The following SGCZ variants were observed in gnomAD, a reference collection of about 807,000 sequenced individuals.
SGCZ encodes zeta-sarcoglycan.
SGCZ carries 40 observed loss-of-function variants against 41.3 expected under a neutral mutation model. That is an observed-to-expected ratio of 0.97 (90% CI 0.75 to 1.26). SGCZ has a LOEUF of 1.26. Ranked by LOEUF, SGCZ falls within the 50% of genes most tolerant of loss-of-function variation. SGCZ has a pLI of 0.00. For missense variants in SGCZ, 552 were observed against 369.8 expected (o/e 1.49, Z -4.04); for synonymous variants, 206 against 137.5 (o/e 1.50, Z -3.49).
At chr8:14,299,832 G>A (rs1407501134) in intron 3 of SGCZ, among the ~76,000 whole-genome samples, 1 of 151,364 alleles carries the variant, frequency 6.6e-6, no homozygotes, top group Non-Finnish European at 1.5e-5. Context: ...GAATTTATAT[G>A]TCTGAAGAAA....
At chr8:15,111,620 G>C (rs553032375) in intron 1 of SGCZ, among the ~76,000 whole-genome samples, 8 of 152,110 alleles carry the variant, frequency 5.3e-5, no homozygotes, top group South Asian at 2.1e-4. Flanking sequence ...CCTACATTTC[G>C]GCCGGGTGTG....
intron 3 of SGCZ, among the ~76,000 whole-genome samples, chr8:14,321,487 T>A (rs564340181): frequency 6.6e-6 from 1 of 152,058 alleles, no homozygotes; most frequent in Non-Finnish European, 1.5e-5. Context: ...TTCTGTTCAA[T>A]AGACATCTCT....
chr8:14,479,309 C>A (rs1433416875), intron 2 of SGCZ, among the ~76,000 whole-genome samples: 1 of 152,106 alleles, frequency 6.6e-6, no homozygotes, highest in Non-Finnish European at 1.5e-5. Context: ...AGGAAGCATT[C>A]AGCACGGGAG....
rs555833255 is a variant in SGCZ, at chr8:14,860,393, T to G, written c.40-305467A>C. Reference sequence around the variant, plus strand: ...CAGACTTTAATTGACAAACTGGGTTTTAACTTCAGAAGACAGGAAGTGAGA... The same window carrying G: ...CAGACTTTAATTGACAAACTGGGTTGTAACTTCAGAAGACAGGAAGTGAGA... On this transcript the variant is annotated intron_variant, in intron 1 of 7. Transcript: ENST00000382080. 2.6e-4 allele frequency among the ~76,000 whole-genome samples: 39 copies of G among 151,498 alleles called. No individual in the cohort carries two copies. The East Asian group carries it at 3.5e-3, about 14-fold the overall frequency.
intron 1 of SGCZ, among the ~76,000 whole-genome samples, chr8:14,673,328 T>TC (rs1808164639): frequency 6.7e-6 from 1 of 148,380 alleles, no homozygotes; most frequent in Non-Finnish European, 1.5e-5. Flanking sequence ...TGGGGGTGGT[T>TC]TCCCCCATGC....
intron 2 of SGCZ, among the ~76,000 whole-genome samples, chr8:14,346,869 C>A (rs1052298841): frequency 6.6e-6 from 1 of 151,894 alleles, no homozygotes; most frequent in Non-Finnish European, 1.5e-5. Context: ...AAGTTTAGGG[C>A]GTTTCCTTTT....
At chr8:14,321,158 G>A (rs917622983) in intron 3 of SGCZ, among the ~76,000 whole-genome samples, 1 of 152,014 alleles carries the variant, frequency 6.6e-6, no homozygotes, top group Non-Finnish European at 1.5e-5. Flanking sequence ...TGTCTGAATA[G>A]TATTATATAT....
intron 2 of SGCZ, among the ~76,000 whole-genome samples, chr8:14,542,734 T>A (rs779528774): frequency 2.0e-5 from 3 of 152,108 alleles, no homozygotes; most frequent in Admixed American, 6.6e-5. Flanking sequence ...TGTTTTGGTT[T>A]ATGTGTTTTT....
intron 1 of SGCZ, among the ~76,000 whole-genome samples, chr8:14,887,400 A>G (rs1563340150): frequency 1.3e-5 from 2 of 152,160 alleles, no homozygotes; most frequent in Admixed American, 6.6e-5. Flanking sequence ...TGACTGCATT[A>G]TCATTTTACA....
chr8:14,651,357 G>C (rs939957477), intron 1 of SGCZ, among the ~76,000 whole-genome samples: 4 of 151,924 alleles, frequency 2.6e-5, no homozygotes, highest in Non-Finnish European at 5.9e-5. Context: ...TTTTACTGTT[G>C]GCAGAGCAGG....
intron 2 of SGCZ, among the ~76,000 whole-genome samples, chr8:14,386,659 A>G (rs1167045132): frequency 1.3e-5 from 2 of 152,200 alleles, no homozygotes; most frequent in Non-Finnish European, 2.9e-5. Context: ...CATTTTGTTC[A>G]AAAGCAATTA....
At chr8:14,366,536 C>T (rs537215240) in intron 2 of SGCZ, among the ~76,000 whole-genome samples, 3 of 152,122 alleles carry the variant, frequency 2.0e-5, no homozygotes, top group African/African-American at 7.2e-5. Context: ...TCATTCCACC[C>T]CTGGCCCCTC....
At chr8:15,219,474 A>G (rs1801518566) in intron 1 of SGCZ, among the ~76,000 whole-genome samples, 1 of 152,246 alleles carries the variant, frequency 6.6e-6, no homozygotes, top group Admixed American at 6.5e-5. Context: ...GAAATGCCCA[A>G]CTCAATAGAA....
chr8:14,194,139 A>C (rs572602282), intron 4 of SGCZ, among the ~76,000 whole-genome samples: 3 of 151,914 alleles, frequency 2.0e-5, no homozygotes, highest in African/African-American at 4.8e-5. Context: ...CACATTTATA[A>C]ATAATTTTTG....
At chr8:14,874,419 C>A (rs986875213) in intron 1 of SGCZ, among the ~76,000 whole-genome samples, 6 of 152,026 alleles carry the variant, frequency 3.9e-5, no homozygotes, top group African/African-American at 1.4e-4. Flanking sequence ...TTAATTTTAA[C>A]TTTATCAAGA....
At chr8:15,147,195 A>C (rs1238034240) in intron 1 of SGCZ, among the ~76,000 whole-genome samples, 2 of 152,180 alleles carry the variant, frequency 1.3e-5, no homozygotes, top group Non-Finnish European at 2.9e-5. Flanking sequence ...CTTGAGAACC[A>C]TAATCTACTC....
At chr8:14,806,803 C>A (rs1585277627) in intron 1 of SGCZ, among the ~76,000 whole-genome samples, 1 of 152,000 alleles carries the variant, frequency 6.6e-6, no homozygotes. Flanking sequence ...GACCAATATC[C>A]TTGATGAACA....
At chr8:14,464,641 G>A (rs1286021031) in intron 2 of SGCZ, among the ~76,000 whole-genome samples, 3 of 150,802 alleles carry the variant, frequency 2.0e-5, no homozygotes, top group Admixed American at 6.6e-5. Flanking sequence ...TTACTTTTGG[G>A]TTTAGTTTGT....
chr8:15,064,377 A>G (rs937020537), intron 1 of SGCZ, among the ~76,000 whole-genome samples: 3 of 151,990 alleles, frequency 2.0e-5, no homozygotes, highest in Non-Finnish European at 4.4e-5. Context: ...TCCCTCTCCT[A>G]TCCCCGCACA....
Sources: gnomAD v4.1 joint callset for allele counts (sites outside exome capture counted in the v4.1 genomes callset) on GRCh38, gnomAD v4.1.1 for gene constraint, MANE v1.5 for transcripts, NCBI Gene and HGNC (gene_info 2026-07-23, HGNC 2026-07-21) for gene names.